MARCHF6: variants seen among roughly 807,000 people sequenced by gnomAD.
MARCHF6 encodes membrane associated ring-CH-type finger 6, also known as E3 ubiquitin-protein ligase MARCHF6.
Under a neutral mutation model 133.7 loss-of-function variants are expected in MARCHF6, and 31 were observed. That is an observed-to-expected ratio of 0.23 (90% CI 0.17 to 0.31). MARCHF6 has a LOEUF of 0.31. Among genes scored for constraint, MARCHF6 ranks in the 10% least tolerant of loss-of-function variants. MARCHF6 has a pLI of 1.00. For missense variants in MARCHF6, 723 were observed against 1,121.6 expected (o/e 0.64, Z 5.08); for synonymous variants, 395 against 402.5 (o/e 0.98, Z 0.22).
chr5:10,370,596 G>A (rs1447292662), intron 1 of MARCHF6, among the ~76,000 whole-genome samples: 3 of 151,022 alleles, frequency 2.0e-5, no homozygotes, highest in Non-Finnish European at 4.4e-5. Context: ...TTCCTCTTTC[G>A]GTGAGTGTGT....
intron 10 of MARCHF6, among the ~76,000 whole-genome samples, chr5:10,397,584 T>C (rs1176049413): frequency 1.3e-5 from 2 of 152,162 alleles, no homozygotes. Flanking sequence ...TCTGGGTTTT[T>C]TTTTTGTAGA....
At chr5:10,369,021 A>G (rs1736303584) in intron 1 of MARCHF6, among the ~76,000 whole-genome samples, 1 of 151,992 alleles carries the variant, frequency 6.6e-6, no homozygotes, top group African/African-American at 2.4e-5. Context: ...AACTGTAGTC[A>G]CTGGGGAGCC....
intron 21 of MARCHF6, among the ~76,000 whole-genome samples, chr5:10,416,321 A>T (rs990518210): frequency 1.3e-5 from 2 of 152,226 alleles, no homozygotes; most frequent in Admixed American, 1.3e-4. Flanking sequence ...TTAATTTTTT[A>T]TCGATTTATA....
At chr5:10,380,906 A>G (rs977843798) in intron 3 of MARCHF6, among the ~76,000 whole-genome samples, 10 of 151,794 alleles carry the variant, frequency 6.6e-5, no homozygotes, top group African/African-American at 2.2e-4. Context: ...CAGCCTGGGC[A>G]ACAGAGTGAG....
rs1740566488 is a variant in MARCHF6 at position 10,435,602 on chromosome 5, A to T, written c.*1918A>T. ...TTGCTCTCTTTGGGAGAAAAACATT[A>T]TTATTGAATTGAGCATATAACTATA... On this transcript the variant is annotated 3_prime_UTR_variant, in exon 26 of 26. Coordinates refer to ENST00000274140, the MANE Select transcript of MARCHF6 (RefSeq NM_005885.4). 9.2e-6 allele frequency: 1 copy of T among 108,390 alleles called. No homozygotes were observed. Among genetic ancestry groups the T allele is most frequent in the Non-Finnish European group, 1.8e-5 (1 of 56,732 alleles). The allele number at this position is 108,390 out of a possible 1,614,324, so 6.7% of individuals were successfully genotyped here.
chr5:10,416,245 T>C (rs1465686029), intron 21 of MARCHF6, among the ~76,000 whole-genome samples: 2 of 152,260 alleles, frequency 1.3e-5, no homozygotes, highest in Non-Finnish European at 2.9e-5. Context: ...ATGTGTGTAA[T>C]GTTGGCTGCA....
chr5:10,368,552 C>T (rs1033448542), intron 1 of MARCHF6, among the ~76,000 whole-genome samples: 14 of 152,080 alleles, frequency 9.2e-5, no homozygotes, highest in African/African-American at 3.4e-4. Context: ...GCAGGAGGAT[C>T]ACTTAAGCCC....
rs189550223 is a variant in MARCHF6, at chr5:10,377,713, T to C, written c.20-85T>C. ...CAAGTGATAGATTCTTGCTTTAATG[T>C]CCAATATTTTGGTTTATGCTTGTTT... On this transcript the variant is annotated intron_variant, in intron 1 of 25. Coordinates refer to ENST00000274140, the MANE Select transcript of MARCHF6 (RefSeq NM_005885.4). 1.1e-3 allele frequency: 896 copies of C among 788,348 alleles called. 3 individuals are homozygous for C. The highest frequency in any genetic ancestry group is 7.6e-4 in the Non-Finnish European group (341 of 448,594). 48.8% of individuals were successfully genotyped at this position (788,348 alleles called of 1,614,324 possible). A position where few individuals can be genotyped will look rare whatever the true frequency, so the allele number is the denominator to read the frequency against.
intron 1 of MARCHF6, among the ~76,000 whole-genome samples, chr5:10,376,636 G>A (rs927770934): frequency 2.0e-5 from 3 of 152,212 alleles, no homozygotes; most frequent in African/African-American, 7.2e-5. Flanking sequence ...AGATTGAGCA[G>A]TTAGGCTCTG....
At chr5:10,373,262 G>T (rs1178518608) in intron 1 of MARCHF6, among the ~76,000 whole-genome samples, 1 of 152,020 alleles carries the variant, frequency 6.6e-6, no homozygotes, top group Non-Finnish European at 1.5e-5. Flanking sequence ...AGAAGGACAG[G>T]GGTCTTCTGA....
intron 1 of MARCHF6, among the ~76,000 whole-genome samples, chr5:10,360,144 G>GTTTTT (rs1164778520): frequency 5.5e-4 from 41 of 75,094 alleles, no homozygotes; most frequent in Non-Finnish European, 6.7e-4. Context: ...ATGTGTGTGT[G>GTTTTT]TTTTTTTTTT....
rs148492362 is a variant in MARCHF6, at chr5:10,399,470, G to A, written c.914-1314G>A. 5.8e-4 allele frequency among the ~76,000 whole-genome samples: 88 copies of A among 151,974 alleles called. 1 individual carries two copies. Among genetic ancestry groups the A allele is most frequent in the African/African-American group, 2.0e-3 (83 of 41,470 alleles). The stretch of plus-strand genomic sequence containing the variant: ...TCCCACTCCCCTGGTAATCTACTGC[G>A]CTGTCGATTTATTTCTACCATAAAG... On this transcript the variant is annotated intron_variant, in intron 10 of 25. Coordinates refer to ENST00000274140, the MANE Select transcript of MARCHF6 (RefSeq NM_005885.4).
chr5:10,420,009 C>G (rs1402091665), intron 22 of MARCHF6, among the ~76,000 whole-genome samples: 1 of 152,056 alleles, frequency 6.6e-6, no homozygotes, highest in African/African-American at 2.4e-5. Flanking sequence ...TGATAATACC[C>G]TAACCCAGTC....
chr5:10,372,393 C>A (rs1022017333), intron 1 of MARCHF6, among the ~76,000 whole-genome samples: 7 of 152,090 alleles, frequency 4.6e-5, no homozygotes, highest in African/African-American at 1.7e-4. Flanking sequence ...CAATAGTGAT[C>A]ATTAATCCAT....
At chr5:10,361,056 CT>C (rs1309879535) in intron 1 of MARCHF6, among the ~76,000 whole-genome samples, 2 of 152,140 alleles carry the variant, frequency 1.3e-5, no homozygotes, top group Admixed American at 1.3e-4. Flanking sequence ...CAAGGGAAAA[CT>C]TAATAATTCA....
intron 24 of MARCHF6, among the ~76,000 whole-genome samples, chr5:10,427,832 G>A (rs1740170221): frequency 6.6e-6 from 1 of 152,142 alleles, no homozygotes; most frequent in Non-Finnish European, 1.5e-5. Context: ...TACTTGGGAG[G>A]CTGAGGTGGG....
At chr5:10,384,506 C>T (rs979172937) in intron 4 of MARCHF6, among the ~76,000 whole-genome samples, 3 of 152,112 alleles carry the variant, frequency 2.0e-5, no homozygotes, top group Non-Finnish European at 2.9e-5. Context: ...CTAAGCTCTC[C>T]GTATCTGTGG....
intron 20 of MARCHF6, among the ~76,000 whole-genome samples, 197 bp from the exon 21 acceptor site, chr5:10,415,291 C>T (rs1739445102): frequency 6.6e-6 from 1 of 152,122 alleles, no homozygotes; most frequent in Non-Finnish European, 1.5e-5. Context: ...TTGAACTTAC[C>T]TTGTTTTGGT....
intron 9 of MARCHF6, among the ~76,000 whole-genome samples, chr5:10,396,593 T>C (rs1319477476): frequency 3.3e-5 from 5 of 152,180 alleles, no homozygotes; most frequent in Non-Finnish European, 7.4e-5. Flanking sequence ...AACTTGATGG[T>C]TGCGGGGAAG....
Sources: allele counts gnomAD v4.1 joint callset (sites outside exome capture counted in the v4.1 genomes callset), GRCh38; gene constraint gnomAD v4.1.1; transcripts MANE v1.5; gene names NCBI Gene and HGNC (gene_info 2026-07-23, HGNC 2026-07-21).